The following PAOX variants were observed in gnomAD, a reference collection of about 807,000 sequenced individuals.
The protein encoded by PAOX is polyamine oxidase, also known as peroxisomal N(1)-acetyl-spermine/spermidine oxidase.
Under a neutral mutation model 39.0 loss-of-function variants are expected in PAOX, and 38 were observed. The ratio of observed to expected loss-of-function variants is 0.97; its 90% CI spans 0.75 to 1.28. The LOEUF is 1.28. PAOX is among the 50% of genes most tolerant of loss of function. The pLI is 0.00. For synonymous variants in PAOX, 311 were observed against 314.4 expected, an observed-to-expected ratio of 0.99 and a Z score of 0.11; for missense variants, 667 against 685.7, an observed-to-expected ratio of 0.97 and a Z score of 0.30.
chr10:133,388,480 A>G (rs543867866), intron 4 of PAOX, among the ~76,000 whole-genome samples: 51 of 152,382 alleles, frequency 3.3e-4, no homozygotes, highest in African/African-American at 1.2e-3. Context: ...TGCAAAAAGC[A>G]GCATTTTGTA....
intron 4 of PAOX, among the ~76,000 whole-genome samples, chr10:133,386,893 A>G (rs1444406897): frequency 6.6e-6 from 1 of 152,230 alleles, no homozygotes; most frequent in African/African-American, 2.4e-5. Flanking sequence ...TGGAGAGCAC[A>G]CCAGTGAATT....
chr10:133,382,130 T>G (rs1849403556), intron 3 of PAOX, among the ~76,000 whole-genome samples: 2 of 152,180 alleles, frequency 1.3e-5, no homozygotes. Context: ...GTTACTAGGA[T>G]AATTGCTGTC....
chr10:133,380,580 GA>G lies in PAOX; in HGVS notation c.668+96del. ...TCCGCTCTTGCTTGGGTATGGGAGG[GA>G]CAGGAGACCATTTGTCCTCCCCATT... On this transcript the variant is annotated intron_variant, in intron 2 of 6. Transcript: ENST00000278060. 2.8e-6 allele frequency: 4 copies of G among 1,424,828 alleles called. No individual in the cohort carries two copies. In the South Asian group the frequency reaches 5.7e-5, roughly 20 times the overall value. The allele number at this position is 1,424,828 out of a possible 1,614,324, so 88.3% of individuals were successfully genotyped here.
At chr10:133,391,164 C>T (rs1330887442) in intron 6 of PAOX, 148 bp from the exon 7 acceptor site, 8 of 781,518 alleles carry the variant, frequency 1.0e-5, no homozygotes, top group African/African-American at 3.5e-5. Flanking sequence ...GGTGGGTACA[C>T]GTGAGCCCTT....
Position 133,379,295 on chromosome 10 carries a change from C to T in PAOX, c.-22C>T. ...CAGACCTCCCGGCTACTCAGAAGCCCTCGGACTGCCCGGACCGCGCGATGG... is the reference window on the plus strand; with the variant it reads ...CAGACCTCCCGGCTACTCAGAAGCCTTCGGACTGCCCGGACCGCGCGATGG... On this transcript the variant is annotated 5_prime_UTR_variant, in exon 1 of 7. Transcript: ENST00000278060. 8.2e-7 allele frequency: 1 copy of T among 1,213,100 alleles called. No individual in the cohort carries two copies. Among genetic ancestry groups the T allele is most frequent in the Non-Finnish European group, 1.0e-6 (1 of 976,548 alleles). 75.1% of individuals were successfully genotyped at this position (1,213,100 alleles called of 1,614,324 possible).
chr10:133,380,835 G>A (rs1469265232), intron 2 of PAOX, among the ~76,000 whole-genome samples: 4 of 152,086 alleles, frequency 2.6e-5, no homozygotes, highest in East Asian at 3.9e-4. Flanking sequence ...AAAATTAGCC[G>A]GGCGTGATGG....
chr10:133,389,467 G>C, intron 5 of PAOX, 123 bp from the exon 6 acceptor site: 1 of 1,389,196 alleles, frequency 7.2e-7, no homozygotes, highest in East Asian at 2.3e-5. Flanking sequence ...ACACTCTGCT[G>C]CTCACTTTTC....
chr10:133,386,535 C>G (rs1055302861), intron 4 of PAOX, among the ~76,000 whole-genome samples: 2 of 152,036 alleles, frequency 1.3e-5, no homozygotes, highest in Non-Finnish European at 2.9e-5. Context: ...AGTGTAATAG[C>G]TCGATCTCGG....
At chr10:133,389,510 C>T (rs1849612534) in intron 5 of PAOX, 80 bp from the exon 6 acceptor site, 10 of 1,585,000 alleles carry the variant, frequency 6.3e-6, no homozygotes, top group South Asian at 4.5e-5. Context: ...TTAAACTGCT[C>T]AATCTTTAAA....
intron 6 of PAOX, among the ~76,000 whole-genome samples, chr10:133,390,052 G>A (rs1015142125): frequency 1.3e-5 from 2 of 152,052 alleles, no homozygotes; most frequent in African/African-American, 4.8e-5. Flanking sequence ...TAAGTTTACT[G>A]CATCTCTAAA....
intron 4 of PAOX, among the ~76,000 whole-genome samples, chr10:133,386,546 T>C (rs4838737): frequency 0.89 from 134,988 of 151,990 alleles, 60,696 homozygotes; most frequent in East Asian, 0.98. Flanking sequence ...TCGATCTCGG[T>C]TCACTGCAAC....
chr10:133,391,256 C>T (rs1249969863), intron 6 of PAOX, 56 bp from the exon 7 acceptor site: 38 of 1,554,848 alleles, frequency 2.4e-5, no homozygotes, highest in Non-Finnish European at 3.1e-5. Flanking sequence ...TGTTTCCTTG[C>T]CCAGACCCTG....
chr10:133,391,014 C>T lies in PAOX; in HGVS notation c.1393-298C>T, dbSNP rs1032988834. ...GGTGGATGCGTGTGAGCCGTTTTCC[C>T]GCCCGTTGGTGGATGCGTGTGAGCC... is the stretch of plus-strand genomic sequence containing the variant. On this transcript the variant is annotated intron_variant, in intron 6 of 6. Transcript: ENST00000278060. 36 of 699,262 alleles carry T rather than the reference C, an allele frequency of 5.1e-5. No homozygotes were observed. In the Middle Eastern group the frequency reaches 1.1e-3, roughly 22 times the overall value. The allele number at this position is 699,262 out of a possible 1,614,324, so 43.3% of individuals were successfully genotyped here.
rs199953860 is a variant in PAOX at position 133,388,936 on chromosome 10, G to C, written c.1122-20G>C. 7.5e-6 allele frequency: 11 copies of C among 1,460,348 alleles called. No individual in the cohort carries two copies. In the African/African-American group the frequency reaches 1.6e-4, roughly 22 times the overall value. The allele number at this position is 1,460,348 out of a possible 1,614,324, so 90.5% of individuals were successfully genotyped here. ...CTCCATGCAGGTCTGGTCATCCCAG[G>C]GCTCTCTTTCTCCATGCAGGTCTGT... On this transcript the variant is annotated intron_variant, in intron 4 of 6. Coordinates refer to ENST00000278060, the MANE Select transcript of PAOX (RefSeq NM_152911.4).
chr10:133,384,201 G>C lies in PAOX; in HGVS notation c.1110G>C (p.Leu370=). ...GGAAGCTCATTGGCTTTGTGGTCCT[G>C]CCTGCCTTTGCGTACGTTTGCTCCC... ...WFRKLIGFVV[L]PAFASVHVLC... Residue 370 remains leucine (L), a synonymous_variant, in exon 4 of 7, where the codon CTG becomes CTC. Coordinates refer to ENST00000278060, the MANE Select transcript of PAOX (RefSeq NM_152911.4). This position sits in a 1 kb window ranked among gnomAD's most constrained non-coding sequence, Gnocchi z 4.3. 1 of 1,613,584 alleles carries C rather than the reference G, an allele frequency of 6.2e-7. No individual in the cohort carries two copies. Among genetic ancestry groups the C allele is most frequent in the Non-Finnish European group, 8.5e-7 (1 of 1,179,874 alleles).
chr10:133,381,020 T>G (rs1849354422), intron 2 of PAOX, among the ~76,000 whole-genome samples: 1 of 152,230 alleles, frequency 6.6e-6, no homozygotes, highest in Admixed American at 6.5e-5. Context: ...CTCTTGCTCC[T>G]GTATTTATGA....
rs1015548183 is a variant in PAOX at position 133,389,812 on chromosome 10, G to A, written c.1392+65G>A. 14 of 1,383,830 alleles carry A rather than the reference G, an allele frequency of 1.0e-5. No homozygotes were observed. The Admixed American group carries it at 2.3e-4, about 23-fold the overall frequency. 85.7% of individuals were successfully genotyped at this position (1,383,830 alleles called of 1,614,324 possible). The stretch of plus-strand genomic sequence containing the variant: ...GCAGAGGCCCCCGCCGAGTCTGGGC[G>A]CTGCAGGAGCACCAGCCAGTGGCGG... On this transcript the variant is annotated intron_variant, in intron 6 of 6. Coordinates refer to ENST00000278060, the MANE Select transcript of PAOX (RefSeq NM_152911.4).
intron 4 of PAOX, among the ~76,000 whole-genome samples, chr10:133,386,018 C>CAT (rs1849523118): frequency 7.1e-6 from 1 of 141,292 alleles, no homozygotes; most frequent in Admixed American, 7.1e-5. Context: ...TTCTGCAAAA[C>CAT]TTTTTTTTTT....
intron 5 of PAOX, 23 bp from the exon 6 acceptor site, chr10:133,389,567 C>T: frequency 1.2e-6 from 2 of 1,613,776 alleles, no homozygotes; most frequent in Non-Finnish European, 1.7e-6. Context: ...TCTCGGTTAA[C>T]ATGCAGTGTC....
Sources: allele counts gnomAD v4.1 joint callset (sites outside exome capture counted in the v4.1 genomes callset), GRCh38; gene constraint gnomAD v4.1.1; non-coding constraint Gnocchi (gnomAD v3.1); transcripts MANE v1.5; gene names NCBI Gene and HGNC (gene_info 2026-07-23, HGNC 2026-07-21).